The following HECTD4 variants were observed in gnomAD, a reference collection of about 807,000 sequenced individuals.
The protein encoded by HECTD4 is HECT domain E3 ubiquitin protein ligase 4.
Under a neutral mutation model 471.5 loss-of-function variants are expected in HECTD4, and 114 were observed. The ratio of observed to expected loss-of-function variants is 0.24; its 90% confidence interval spans 0.21 to 0.28. HECTD4 has a LOEUF of 0.28. HECTD4 is among the 10% of genes least tolerant of loss of function. The pLI is 1.00. For synonymous variants in HECTD4, 2,012 were observed against 2,256.0 expected (o/e 0.89, Z 3.07); for missense variants, 3,866 against 5,651.5 (o/e 0.68, Z 10.13).
intron 1 of HECTD4, among the ~76,000 whole-genome samples, chr12:112,359,093 G>A (rs949555334): frequency 3.3e-5 from 5 of 151,838 alleles, no homozygotes; most frequent in Admixed American, 6.6e-5. Flanking sequence ...GGAGAATGGC[G>A]TGAATGCGGG....
chr12:112,273,842 T>A, intron 10 of HECTD4, 47 bp from the exon 11 acceptor site: 1 of 1,596,012 alleles, frequency 6.3e-7, no homozygotes, highest in Middle Eastern at 1.8e-4. Context: ...ACCAGCTACC[T>A]GTATACATAT....
chr12:112,381,880 A>T lies in HECTD4; in HGVS notation c.177+72T>A. ...AGGCGAGGCCGCGGCTGAGGCGAGG[A>T]GGGGGCCCGACCCGGGGGTGCCGGG... On this transcript the variant is annotated intron_variant, in intron 1 of 75. Transcript: ENST00000682272. This position sits in a 1 kb window ranked among gnomAD's most constrained non-coding sequence, Gnocchi z 4.1. 1 of 1,071,968 alleles carries T rather than the reference A, an allele frequency of 9.3e-7. No homozygotes were observed. Among genetic ancestry groups the T allele is most frequent in the Non-Finnish European group, 1.2e-6 (1 of 847,164 alleles). 66.4% of individuals were successfully genotyped at this position (1,071,968 alleles called of 1,614,324 possible).
intron 64 of HECTD4, among the ~76,000 whole-genome samples, chr12:112,178,306 G>A (rs981402453): frequency 1.3e-5 from 2 of 152,094 alleles, no homozygotes; most frequent in South Asian, 4.1e-4. Flanking sequence ...TTGAACTCCC[G>A]GGCTTAAGGC....
chr12:112,302,238 T>C (rs567252457), intron 7 of HECTD4: 502 of 1,302,568 alleles, frequency 3.9e-4, no homozygotes, highest in Admixed American at 1.3e-3. Flanking sequence ...TCCACCAAGG[T>C]GGTGATGGTG....
intron 54 of HECTD4, 189 bp from the exon 55 acceptor site, chr12:112,200,987 C>T: frequency 1.6e-6 from 1 of 607,834 alleles, no homozygotes; most frequent in Non-Finnish European, 2.9e-6. Flanking sequence ...AGAGAATTCA[C>T]AATACATTTT....
chr12:112,184,955 G>A lies in HECTD4; in HGVS notation c.10011C>T (p.Asp3337=). 6.2e-7 allele frequency: 1 copy of A among 1,613,764 alleles called. No homozygotes were observed. The highest frequency in any genetic ancestry group is 8.5e-7 in the Non-Finnish European group (1 of 1,179,862). The change falls in exon 61 of 76, where the codon GAC becomes GAT. Residue 3337 remains aspartate, a synonymous_variant. Coordinates refer to ENST00000682272, the MANE Select transcript of HECTD4 (RefSeq NM_001388303.1). The surrounding 1 kb of genome is among the most constrained non-coding windows in gnomAD (Gnocchi z 9.1). ...KRQSSRTVDS[D]PTVLSIGGSK... is the part of the protein sequence containing the mutation. ...TGCCTCCGATGCTGAGCACGGTGGG[G>A]TCCGAGTCCACGGTGCGGGAAGACT...
intron 28 of HECTD4, 144 bp downstream of exon 28, chr12:112,247,318 T>C (rs2135584898): frequency 1.5e-6 from 1 of 670,010 alleles, no homozygotes; most frequent in East Asian, 3.0e-5. Context: ...AACCAAAATT[T>C]CCAATTTACC....
At chr12:112,361,905 T>C (rs537788398) in intron 1 of HECTD4, among the ~76,000 whole-genome samples, 30 of 152,346 alleles carry the variant, frequency 2.0e-4, no homozygotes, top group Non-Finnish European at 3.2e-4. Context: ...GTGCAAGATA[T>C]ATACTTATTT....
chr12:112,260,283 T>C (rs1256162392), intron 18 of HECTD4, among the ~76,000 whole-genome samples: 3 of 152,222 alleles, frequency 2.0e-5, no homozygotes, highest in African/African-American at 7.2e-5. Context: ...AAATGGATTA[T>C]GTAAATTCCT....
chr12:112,308,435 C>CAAAAAAAAAAA lies in HECTD4; in HGVS notation c.1164+307_1164+317dup, dbSNP rs1044637619. Among the ~76,000 whole-genome samples, 10 of 53,132 alleles carry CAAAAAAAAAAA rather than the reference C, an allele frequency of 1.9e-4. No homozygotes were observed. In the East Asian group the frequency reaches 4.4e-3, roughly 24 times the overall value. The allele number at this position is 53,132 out of a possible 152,430, so 34.9% of individuals were successfully genotyped here. On this transcript the variant is annotated intron_variant, in intron 6 of 75. Coordinates refer to ENST00000682272, the MANE Select transcript of HECTD4 (RefSeq NM_001388303.1). ...CAAAATAGATCTGGTTCAAAAAAAGCAAAAAAAAAAACAAAAACAAAACAA... is the reference window on the plus strand; with the variant it reads ...CAAAATAGATCTGGTTCAAAAAAAGCAAAAAAAAAAAAAAAAAAAAAACAAAAACAAAACAA...
intron 67 of HECTD4, 118 bp from the exon 68 acceptor site, chr12:112,171,381 A>T: frequency 6.8e-7 from 1 of 1,478,074 alleles, no homozygotes; most frequent in Admixed American, 2.3e-5. Context: ...TTTACCTGGG[A>T]CCCTGGAGAT....
intron 62 of HECTD4, among the ~76,000 whole-genome samples, chr12:112,180,018 C>G (rs2031608045): frequency 6.6e-6 from 1 of 152,204 alleles, no homozygotes; most frequent in Non-Finnish European, 1.5e-5. Flanking sequence ...AGAAGGTGCT[C>G]TCACCTTTCC....
At chr12:112,257,679 T>C (rs2034049089) in intron 20 of HECTD4, among the ~76,000 whole-genome samples, 1 of 152,208 alleles carries the variant, frequency 6.6e-6, no homozygotes, top group African/African-American at 2.4e-5. Flanking sequence ...CATTCCTTTT[T>C]ATTGCTGATT....
At chr12:112,294,006 C>T (rs1470586842) in intron 7 of HECTD4, among the ~76,000 whole-genome samples, 1 of 152,100 alleles carries the variant, frequency 6.6e-6, no homozygotes, top group Non-Finnish European at 1.5e-5. Context: ...CTCAAGCAAT[C>T]CCCCTGCCTG....
chr12:112,339,355 T>C (rs2036015024), intron 1 of HECTD4, among the ~76,000 whole-genome samples: 2 of 127,194 alleles, frequency 1.6e-5, no homozygotes, highest in South Asian at 4.9e-4. Context: ...ATACTACATT[T>C]ATATAATAAA....
intron 55 of HECTD4, among the ~76,000 whole-genome samples, chr12:112,195,793 C>T (rs746915314): frequency 1.3e-5 from 2 of 152,278 alleles, no homozygotes; most frequent in African/African-American, 2.4e-5. Context: ...AAAATACCAT[C>T]GTGGGCATTT....
chr12:112,279,890 C>T (rs1237267553), intron 8 of HECTD4, among the ~76,000 whole-genome samples: 1 of 152,114 alleles, frequency 6.6e-6, no homozygotes, highest in Non-Finnish European at 1.5e-5. Flanking sequence ...CAAAATATTC[C>T]AGTGAACATT....
chr12:112,167,148 C>G, intron 72 of HECTD4, 169 bp downstream of exon 72: 1 of 566,822 alleles, frequency 1.8e-6, no homozygotes, highest in South Asian at 2.6e-5. Context: ...GGCCAGAGGC[C>G]TCTGTCCCCA....
At chr12:112,290,305 G>C (rs2034848601) in intron 7 of HECTD4, among the ~76,000 whole-genome samples, 1 of 150,368 alleles carries the variant, frequency 6.7e-6, no homozygotes, top group Non-Finnish European at 1.5e-5. Flanking sequence ...GAGTGATAAA[G>C]TGAGAGCTAG....
Sources: allele counts gnomAD v4.1 joint callset (sites outside exome capture counted in the v4.1 genomes callset), GRCh38; gene constraint gnomAD v4.1.1; non-coding constraint Gnocchi (gnomAD v3.1); transcripts MANE v1.5; gene names NCBI Gene and HGNC (gene_info 2026-07-23, HGNC 2026-07-21).